SCHIP1: variants seen among roughly 807,000 people sequenced by gnomAD.
SCHIP1 encodes schwannomin interacting protein 1, also known as schwannomin-interacting protein 1.
SCHIP1 carries 8 observed loss-of-function variants against 29.7 expected under a neutral mutation model. The observed-to-expected ratio is 0.27, with a 90% CI of 0.16 to 0.49. The LOEUF (loss-of-function observed/expected upper bound fraction) is 0.49. Among genes scored for constraint, SCHIP1 ranks in the 20% least tolerant of loss-of-function variants. SCHIP1 has a pLI of 0.99. For synonymous variants in SCHIP1, 76 were observed against 94.9 expected, an observed-to-expected ratio of 0.80 and a Z score of 1.16; for missense variants, 193 against 294.6, an observed-to-expected ratio of 0.66 and a Z score of 2.52.
At chr3:159,735,101 T>C in the SCHIP1 span, among the ~76,000 whole-genome samples, 2 of 152,216 alleles carry the variant, frequency 1.3e-5, no homozygotes, top group Non-Finnish European at 2.9e-5. Flanking sequence ...TAAAGAACAA[T>C]AATAAGTTAT....
At chr3:159,303,515 G>A in the SCHIP1 span, among the ~76,000 whole-genome samples, 1 of 151,158 alleles carries the variant, frequency 6.6e-6, no homozygotes, top group African/African-American at 2.4e-5. Context: ...GGAGAGGGAA[G>A]AAGGGAGGGA....
At chr3:159,879,962 G>A (rs1716268805) in intron 2 of SCHIP1, among the ~76,000 whole-genome samples, 1 of 152,202 alleles carries the variant, frequency 6.6e-6, no homozygotes, top group Admixed American at 6.5e-5. Context: ...CAGCCATCAT[G>A]TGAACATGTA....
chr3:159,385,401 T>C, the SCHIP1 span, among the ~76,000 whole-genome samples: 7 of 151,936 alleles, frequency 4.6e-5, no homozygotes, highest in South Asian at 2.1e-4. Context: ...CTACTAAAAA[T>C]AGAAAAATTA....
At chr3:159,410,132 G>C in the SCHIP1 span, among the ~76,000 whole-genome samples, 1 of 152,036 alleles carries the variant, frequency 6.6e-6, no homozygotes, top group Non-Finnish European at 1.5e-5. Context: ...AATCAAAATT[G>C]ACTAAATATT....
At chr3:159,552,787 A>G in the SCHIP1 span, among the ~76,000 whole-genome samples, 1 of 152,224 alleles carries the variant, frequency 6.6e-6, no homozygotes, top group Admixed American at 6.5e-5. Flanking sequence ...TTATATCTAC[A>G]ATCAAAGCCG....
At chr3:159,516,129 G>C in the SCHIP1 span, among the ~76,000 whole-genome samples, 1 of 151,916 alleles carries the variant, frequency 6.6e-6, no homozygotes, top group African/African-American at 2.4e-5. Flanking sequence ...CCTGTTCCCT[G>C]AACTCTCAGT....
chr3:159,343,745 A>G, the SCHIP1 span, among the ~76,000 whole-genome samples: 1 of 152,226 alleles, frequency 6.6e-6, no homozygotes, highest in Admixed American at 6.5e-5. Context: ...AATCTATCAC[A>G]TATTACTTGG....
the SCHIP1 span, among the ~76,000 whole-genome samples, chr3:159,399,478 CT>C: frequency 1.3e-5 from 2 of 152,092 alleles, no homozygotes; most frequent in Non-Finnish European, 2.9e-5. Context: ...ACAATGAGTT[CT>C]CAATAAATAT....
chr3:159,731,060 A>G, the SCHIP1 span, among the ~76,000 whole-genome samples: 175 of 152,344 alleles, frequency 1.1e-3, no homozygotes, highest in African/African-American at 4.1e-3. Context: ...ATCAAGCGCC[A>G]AATTCCGTTT....
the SCHIP1 span, among the ~76,000 whole-genome samples, chr3:159,599,977 T>A: frequency 6.6e-6 from 1 of 152,216 alleles, no homozygotes; most frequent in African/African-American, 2.4e-5. Context: ...AGGATAATTT[T>A]GCTGGAGATA....
the SCHIP1 span, among the ~76,000 whole-genome samples, chr3:159,671,563 T>C: frequency 6.6e-6 from 1 of 152,164 alleles, no homozygotes; most frequent in African/African-American, 2.4e-5. Flanking sequence ...AAGTCAGAAG[T>C]CTTCTCTATG....
At chr3:159,506,244 G>A in the SCHIP1 span, among the ~76,000 whole-genome samples, 1 of 152,204 alleles carries the variant, frequency 6.6e-6, no homozygotes, top group African/African-American at 2.4e-5. Flanking sequence ...TTTTTCATGT[G>A]TCTTTTGGCT....
At chr3:159,801,518 T>C in the SCHIP1 span, among the ~76,000 whole-genome samples, 1 of 152,220 alleles carries the variant, frequency 6.6e-6, no homozygotes, top group East Asian at 1.9e-4. Flanking sequence ...CTATTCTGCA[T>C]GGACATTTTG....
the SCHIP1 span, among the ~76,000 whole-genome samples, chr3:159,516,576 T>C: frequency 1.3e-5 from 2 of 152,202 alleles, no homozygotes; most frequent in Non-Finnish European, 2.9e-5. Context: ...CCTTCCATTC[T>C]GCAGCTAGAT....
the SCHIP1 span, among the ~76,000 whole-genome samples, chr3:159,586,864 C>T: frequency 1.3e-5 from 2 of 152,150 alleles, no homozygotes; most frequent in Non-Finnish European, 2.9e-5. Context: ...ATAAACAAAG[C>T]GGCCCAACTA....
the SCHIP1 span, among the ~76,000 whole-genome samples, chr3:159,370,414 T>C: frequency 6.6e-6 from 1 of 152,204 alleles, no homozygotes; most frequent in African/African-American, 2.4e-5. Context: ...TTATGCCCTT[T>C]CCAGCTCAAT....
the SCHIP1 span, among the ~76,000 whole-genome samples, chr3:159,455,305 A>G: frequency 6.6e-6 from 1 of 152,206 alleles, no homozygotes; most frequent in Non-Finnish European, 1.5e-5. Context: ...TTAGGCCAGA[A>G]GTGAGGCACT....
chr3:159,720,578 CT>C, the SCHIP1 span, among the ~76,000 whole-genome samples: 4 of 151,070 alleles, frequency 2.6e-5, no homozygotes, highest in South Asian at 4.2e-4. Flanking sequence ...CTCTTGTTTT[CT>C]TTTTTTTTCT....
At chr3:159,386,381 G>A in the SCHIP1 span, among the ~76,000 whole-genome samples, 1 of 152,094 alleles carries the variant, frequency 6.6e-6, no homozygotes, top group Non-Finnish European at 1.5e-5. Flanking sequence ...AAATAAGAGA[G>A]GACACAAACA....
Sources: allele counts gnomAD v4.1 joint callset (sites outside exome capture counted in the v4.1 genomes callset), GRCh38; gene constraint gnomAD v4.1.1; transcripts MANE v1.5; gene names NCBI Gene and HGNC (gene_info 2026-07-23, HGNC 2026-07-21).